The following FOXO3 variants were observed in gnomAD, a reference collection of about 807,000 sequenced individuals.
FOXO3 encodes forkhead box O3.
In FOXO3, 4 loss-of-function variants were observed where a neutral mutation model predicts 41.9. The ratio of observed to expected loss-of-function variants is 0.10; its 90% CI spans 0.05 to 0.22. FOXO3 has a LOEUF of 0.22. Among genes scored for constraint, FOXO3 ranks in the 10% least tolerant of loss-of-function variants. The pLI is 1.00. For missense variants in FOXO3, 534 were observed against 906.8 expected (o/e 0.59, Z 5.28); for synonymous variants, 318 against 389.3 (o/e 0.82, Z 2.16).
intron 1 of FOXO3, among the ~76,000 whole-genome samples, chr6:108,623,847 TAA>T (rs1263753255): frequency 1.3e-5 from 2 of 152,216 alleles, no homozygotes; most frequent in African/African-American, 4.8e-5. Flanking sequence ...ACAGTTGATA[TAA>T]GAGTTTTCTC....
chr6:108,584,363 A>AT (rs967935785), intron 1 of FOXO3, among the ~76,000 whole-genome samples: 14 of 151,732 alleles, frequency 9.2e-5, no homozygotes, highest in Admixed American at 9.2e-4. Context: ...GTTGGAGTTC[A>AT]TTTTTTTGTT....
At chr6:108,610,671 T>G (rs1777335279) in intron 1 of FOXO3, among the ~76,000 whole-genome samples, 1 of 152,162 alleles carries the variant, frequency 6.6e-6, no homozygotes, top group South Asian at 2.1e-4. Flanking sequence ...GCCCTCCCCA[T>G]TTTCCTATCG....
At chr6:108,644,622 T>A (rs900674267) in intron 1 of FOXO3, among the ~76,000 whole-genome samples, 2 of 152,158 alleles carry the variant, frequency 1.3e-5, no homozygotes, top group Admixed American at 1.3e-4. Flanking sequence ...CCTGCCCTCA[T>A]GTTGCATGAC....
chr6:108,574,620 G>T (rs1030858075), intron 1 of FOXO3, among the ~76,000 whole-genome samples: 12 of 152,178 alleles, frequency 7.9e-5, no homozygotes, highest in Non-Finnish European at 1.8e-4. Context: ...AGAGCAGGCT[G>T]CCAAGATAGA....
chr6:108,591,947 A>T (rs992866744), intron 1 of FOXO3, among the ~76,000 whole-genome samples: 1 of 152,230 alleles, frequency 6.6e-6, no homozygotes, highest in Non-Finnish European at 1.5e-5. Flanking sequence ...ACTGCTCTAC[A>T]ATAAGAAGGA....
chr6:108,584,346 G>A (rs1020055406), intron 1 of FOXO3, among the ~76,000 whole-genome samples: 1 of 152,014 alleles, frequency 6.6e-6, no homozygotes, highest in African/African-American at 2.4e-5. Flanking sequence ...TGACAATACA[G>A]GGTGTTGTTG....
chr6:108,676,112 C>T (rs764564690), intron 2 of FOXO3, among the ~76,000 whole-genome samples: 1 of 152,182 alleles, frequency 6.6e-6, no homozygotes, highest in Non-Finnish European at 1.5e-5. Flanking sequence ...TGGACCTCAT[C>T]ATTTATTTGG....
chr6:108,605,631 T>C (rs1777179128), intron 1 of FOXO3, among the ~76,000 whole-genome samples: 1 of 152,178 alleles, frequency 6.6e-6, no homozygotes, highest in African/African-American at 2.4e-5. Flanking sequence ...GGATTACAGG[T>C]CTGATTTCAG....
intron 1 of FOXO3, among the ~76,000 whole-genome samples, chr6:108,627,235 TG>T (rs1777836052): frequency 6.6e-6 from 1 of 152,130 alleles, no homozygotes; most frequent in African/African-American, 2.4e-5. Context: ...AGGGCTTTCT[TG>T]GGGCACTGAG....
chr6:108,663,390 A>G (rs1778928933), intron 1 of FOXO3, 65 bp from the exon 2 acceptor site: 8 of 1,520,660 alleles, frequency 5.3e-6, no homozygotes, highest in Middle Eastern at 1.8e-4. Flanking sequence ...GATTTACTAT[A>G]TCATCTGGGT....
intron 1 of FOXO3, among the ~76,000 whole-genome samples, chr6:108,617,516 C>T (rs1366916004): frequency 6.6e-6 from 1 of 151,944 alleles, no homozygotes; most frequent in Non-Finnish European, 1.5e-5. Flanking sequence ...GATTGCCCTA[C>T]ATATAACAGC....
rs1405912299 is a variant in FOXO3, at chr6:108,681,158, CCTT to C, written c.*1370_*1372del. On this transcript the variant is annotated 3_prime_UTR_variant, in exon 3 of 3. Transcript: ENST00000406360. ...CTGGAAAGTGTGATTATATTCGTTA[CCTT>C]CTTTGGTAGACGGAATAGTTGGGAC... 1 of 152,546 alleles carries C rather than the reference CCTT, an allele frequency of 6.6e-6. No individual in the cohort carries two copies. Among genetic ancestry groups the C allele is most frequent in the Non-Finnish European group, 1.5e-5 (1 of 68,020 alleles). The allele number at this position is 152,546 out of a possible 1,614,324, so 9.4% of individuals were successfully genotyped here.
chr6:108,571,666 C>T (rs1465820772), intron 1 of FOXO3, among the ~76,000 whole-genome samples: 1 of 152,134 alleles, frequency 6.6e-6, no homozygotes, highest in Non-Finnish European at 1.5e-5. Context: ...CTGGTAGGGG[C>T]AAGAAAAGAT....
intron 1 of FOXO3, among the ~76,000 whole-genome samples, chr6:108,592,568 T>C (rs1315827251): frequency 6.6e-6 from 1 of 152,220 alleles, no homozygotes; most frequent in East Asian, 1.9e-4. Flanking sequence ...GAATGCATTT[T>C]AAATTCACTT....
intron 2 of FOXO3, among the ~76,000 whole-genome samples, chr6:108,669,600 G>T (rs558281465): frequency 6.6e-6 from 1 of 152,268 alleles, no homozygotes; most frequent in East Asian, 1.9e-4. Flanking sequence ...TTTAAAAAAA[G>T]CCGAAAGTCT....
chr6:108,620,906 G>A (rs147187324), intron 1 of FOXO3, among the ~76,000 whole-genome samples: 5 of 152,138 alleles, frequency 3.3e-5, no homozygotes, highest in East Asian at 3.9e-4. Flanking sequence ...AGCCTCCCAC[G>A]TTATCCAAAA....
At chr6:108,620,836 A>G (rs1582786840) in intron 1 of FOXO3, among the ~76,000 whole-genome samples, 1 of 152,218 alleles carries the variant, frequency 6.6e-6, no homozygotes, top group South Asian at 2.1e-4. Context: ...TACAGAGCCT[A>G]TACTGGTGTT....
chr6:108,675,128 G>T (rs1291393890), intron 2 of FOXO3, among the ~76,000 whole-genome samples: 1 of 152,040 alleles, frequency 6.6e-6, no homozygotes, highest in Non-Finnish European at 1.5e-5. Context: ...CTCTGATAGG[G>T]ATAGATCAGA....
intron 1 of FOXO3, among the ~76,000 whole-genome samples, chr6:108,641,100 G>C (rs994048864): frequency 6.6e-6 from 1 of 152,036 alleles, no homozygotes; most frequent in African/African-American, 2.4e-5. Flanking sequence ...AGTAGAGACA[G>C]GGTTTCACCA....
Sources: allele counts gnomAD v4.1 joint callset (sites outside exome capture counted in the v4.1 genomes callset), GRCh38; gene constraint gnomAD v4.1.1; transcripts MANE v1.5; gene names NCBI Gene and HGNC (gene_info 2026-07-23, HGNC 2026-07-21).